Variants in KAZN observed in about 807,000 individuals in gnomAD.
KAZN encodes the protein kazrin.
In KAZN, 40 loss-of-function variants were observed where a neutral mutation model predicts 87.4. That is an observed-to-expected ratio of 0.46 (90% CI 0.36 to 0.60). KAZN has a LOEUF of 0.60. Ranked by LOEUF, KAZN falls within the 20% of genes least tolerant of loss-of-function variation. KAZN has a pLI of 0.00. For synonymous variants in KAZN, 466 were observed against 458.3 expected (o/e 1.02, Z -0.22); for missense variants, 898 against 1,073.9 (o/e 0.84, Z 2.29).
intron 1 of KAZN, among the ~76,000 whole-genome samples, chr1:13,896,017 G>A (rs1410992654): frequency 6.6e-6 from 1 of 151,600 alleles, no homozygotes; most frequent in Non-Finnish European, 1.5e-5. Context: ...TTTGAGACAG[G>A]GTCTTGCTTT....
intron 1 of KAZN, among the ~76,000 whole-genome samples, chr1:14,672,471 C>T (rs990305940): frequency 3.3e-5 from 5 of 152,142 alleles, no homozygotes; most frequent in Admixed American, 6.5e-5. Context: ...GGCTCTTTCT[C>T]GAAGAGCTCC....
chr1:14,629,210 G>C (rs968240255), intron 1 of KAZN, among the ~76,000 whole-genome samples: 2 of 152,104 alleles, frequency 1.3e-5, no homozygotes. Context: ...AGTGTCTTAT[G>C]GATAACGAGT....
At chr1:14,959,499 G>C (rs767854437) in intron 1 of KAZN, among the ~76,000 whole-genome samples, 2 of 152,168 alleles carry the variant, frequency 1.3e-5, no homozygotes, top group African/African-American at 4.8e-5. Context: ...GTCCCTCTGA[G>C]ATGTAAAATG....
At chr1:14,514,584 T>TATATGAAATATCTA in intron 2 of KAZN, among the ~76,000 whole-genome samples, 1 of 32,062 alleles carries the variant, frequency 3.1e-5, no homozygotes, top group Non-Finnish European at 6.1e-5. Context: ...TTTTATATAT[T>TATATGAAATATCTA]TTTTTATATT....
chr1:14,689,257 C>T (rs1346910798), intron 1 of KAZN, among the ~76,000 whole-genome samples: 3 of 152,134 alleles, frequency 2.0e-5, no homozygotes, highest in Non-Finnish European at 4.4e-5. Context: ...ATTGGTAAAA[C>T]CATGCTGGGT....
chr1:14,002,603 A>G (rs1639848438), intron 1 of KAZN, among the ~76,000 whole-genome samples: 1 of 152,212 alleles, frequency 6.6e-6, no homozygotes, highest in African/African-American at 2.4e-5. Context: ...CCGTGTGAAA[A>G]TGAACTAATA....
chr1:14,589,463 AACTGGACAGTGAGT>A (rs1387510182), intron 2 of KAZN, among the ~76,000 whole-genome samples: 2 of 152,186 alleles, frequency 1.3e-5, no homozygotes, highest in Non-Finnish European at 2.9e-5. Context: ...TTATGCATAC[AACTGGACAGTGAGT>A]ACTGAATATT....
intron 2 of KAZN, among the ~76,000 whole-genome samples, chr1:14,979,007 A>G (rs1318085868): frequency 6.6e-6 from 1 of 151,618 alleles, no homozygotes; most frequent in Admixed American, 6.6e-5. Context: ...CGGGTTCAAG[A>G]GATTCTCCTG....
rs551019997 is a variant in KAZN at position 14,727,947 on chromosome 1, G to C, written c.226+128724G>C. Among the ~76,000 whole-genome samples, 3 of 152,076 alleles carry C rather than the reference G, an allele frequency of 2.0e-5. No homozygotes were observed. In the East Asian group the frequency reaches 5.8e-4, roughly 30 times the overall value. On this transcript the variant is annotated intron_variant, in intron 1 of 14. Coordinates refer to ENST00000376030, the MANE Select transcript of KAZN (RefSeq NM_201628.3). ...ATTCTCCTAAGGAATCAGCAATTTA[G>C]ATCCCTCATATGCGCAGTTCGCAAT...
At chr1:14,166,047 A>G (rs932490225) in intron 1 of KAZN, among the ~76,000 whole-genome samples, 1 of 152,080 alleles carries the variant, frequency 6.6e-6, no homozygotes, top group Non-Finnish European at 1.5e-5. Context: ...AAAAACTAAC[A>G]TTCACGCCTA....
chr1:14,534,310 A>G (rs149517262), intron 2 of KAZN, among the ~76,000 whole-genome samples: 1 of 152,206 alleles, frequency 6.6e-6, no homozygotes, highest in Non-Finnish European at 1.5e-5. Flanking sequence ...GTGGGAAGCA[A>G]TTCAACTCCA....
chr1:14,930,002 G>A (rs1659624533), intron 1 of KAZN: 2 of 985,494 alleles, frequency 2.0e-6, no homozygotes, highest in Admixed American at 6.1e-5. Context: ...TGCTGCAGTG[G>A]CACCCAGTTT....
chr1:14,829,354 AG>A (rs1335830974), intron 1 of KAZN, among the ~76,000 whole-genome samples: 2 of 152,264 alleles, frequency 1.3e-5, no homozygotes, highest in Non-Finnish European at 2.9e-5. Flanking sequence ...AACATGTAAC[AG>A]AGATGGAGGA....
At chr1:14,809,778 G>A (rs1646347001) in intron 1 of KAZN, among the ~76,000 whole-genome samples, 1 of 152,320 alleles carries the variant, frequency 6.6e-6, no homozygotes, top group South Asian at 2.1e-4. Flanking sequence ...AGACCCGGGA[G>A]ATGGCAGTGG....
chr1:14,576,793 CA>C (rs146870825), intron 2 of KAZN, among the ~76,000 whole-genome samples: 4 of 147,892 alleles, frequency 2.7e-5, no homozygotes, highest in African/African-American at 4.9e-5. Flanking sequence ...GGTACGTTAC[CA>C]AAAAAAAAGG....
At chr1:14,621,447 T>C (rs1013646746) in intron 1 of KAZN, among the ~76,000 whole-genome samples, 1 of 152,242 alleles carries the variant, frequency 6.6e-6, no homozygotes, top group African/African-American at 2.4e-5. Context: ...TGCTAGACTC[T>C]GGGCTATAAG....
At chr1:14,715,955 C>A (rs1017817818) in intron 1 of KAZN, among the ~76,000 whole-genome samples, 14 of 152,092 alleles carry the variant, frequency 9.2e-5, no homozygotes, top group African/African-American at 3.1e-4. Context: ...GGGGTGAAAG[C>A]GGTGCAACTG....
At chr1:15,063,440 C>T in intron 6 of KAZN, 132 bp from the exon 7 acceptor site, 1 of 754,038 alleles carries the variant, frequency 1.3e-6, no homozygotes, top group Non-Finnish European at 2.4e-6. Context: ...GGTGGGCTCC[C>T]CACTGCAGAG....
intron 2 of KAZN, among the ~76,000 whole-genome samples, chr1:14,285,710 A>T (rs1322860441): frequency 2.0e-5 from 3 of 152,106 alleles, no homozygotes; most frequent in Non-Finnish European, 2.9e-5. Flanking sequence ...CTCTGATCTC[A>T]CCATTTGGAA....
Sources: gnomAD v4.1 joint callset for allele counts (sites outside exome capture counted in the v4.1 genomes callset) on GRCh38, gnomAD v4.1.1 for gene constraint, MANE v1.5 for transcripts, NCBI Gene and HGNC (gene_info 2026-07-23, HGNC 2026-07-21) for gene names.